PGS1: variants seen among roughly 807,000 people sequenced by gnomAD.
PGS1 encodes CDP-diacylglycerol--glycerol-3-phosphate 3-phosphatidyltransferase, mitochondrial.
PGS1 carries 44 observed loss-of-function variants against 58.3 expected under a neutral mutation model. The observed-to-expected ratio is 0.75, with a 90% CI of 0.59 to 0.97. The LOEUF (loss-of-function observed/expected upper bound fraction) is 0.97, where lower values mean the gene tolerates loss of function less well. Ranked by LOEUF, PGS1 falls within the 50% of genes least tolerant of loss-of-function variation. PGS1 has a pLI of 0.00. For synonymous variants in PGS1, 330 were observed against 311.0 expected (o/e 1.06, Z -0.64); for missense variants, 684 against 731.1 (o/e 0.94, Z 0.74).
intron 6 of PGS1, among the ~76,000 whole-genome samples, chr17:78,402,061 G>A (rs557283655): frequency 1.7e-4 from 26 of 151,508 alleles, no homozygotes; most frequent in South Asian, 1.5e-3. Context: ...AGGGCCCCCC[G>A]GTGCTCCTCC....
intron 9 of PGS1, among the ~76,000 whole-genome samples, chr17:78,422,686 G>A (rs1178440296): frequency 6.6e-6 from 1 of 152,058 alleles, no homozygotes; most frequent in African/African-American, 2.4e-5. Flanking sequence ...TTGATTGATA[G>A]AGATGGTTTT....
rs760219780 is a variant in PGS1 at position 78,400,655 on chromosome 17, C to T, written c.702-22C>T. ...CATACCCTTGCCTGAGTCCTCCTCACCTGCATCTTCCCTCCCTGTAGTGCA... is the reference window on the plus strand; with the variant it reads ...CATACCCTTGCCTGAGTCCTCCTCATCTGCATCTTCCCTCCCTGTAGTGCA... On this transcript the variant is annotated intron_variant, in intron 5 of 9. Coordinates refer to ENST00000262764, the MANE Select transcript of PGS1 (RefSeq NM_024419.5). This position sits in a 1 kb window ranked among gnomAD's most constrained non-coding sequence, Gnocchi z 4.4. The T allele has an allele frequency of 2.5e-6, 4 of 1,612,114 alleles. No individual in the cohort carries two copies. Among genetic ancestry groups the T allele is most frequent in the Middle Eastern group, 1.6e-4 (1 of 6,084 alleles).
chr17:78,389,810 T>G (rs2082686590), intron 1 of PGS1, among the ~76,000 whole-genome samples: 1 of 151,904 alleles, frequency 6.6e-6, no homozygotes, highest in Admixed American at 6.6e-5. Context: ...GAGACGGGGT[T>G]TCACCATATT....
At chr17:78,414,831 G>A (rs765678161) in intron 7 of PGS1, 48 bp from the exon 8 acceptor site, 1 of 1,603,388 alleles carries the variant, frequency 6.2e-7, no homozygotes, top group Non-Finnish European at 8.5e-7. Context: ...GAGGACTTTG[G>A]TAGATGCTGT....
intron 1 of PGS1, among the ~76,000 whole-genome samples, chr17:78,379,421 G>C (rs1198143654): frequency 6.6e-6 from 1 of 152,182 alleles, no homozygotes; most frequent in African/African-American, 2.4e-5. Flanking sequence ...CTGAAGTTAT[G>C]TAAATGATGA....
intron 5 of PGS1, 150 bp downstream of exon 5, chr17:78,399,687 C>T (rs1254628705): frequency 2.7e-6 from 2 of 728,320 alleles, no homozygotes; most frequent in African/African-American, 3.5e-5. Context: ...CTCCCCGACA[C>T]TGTCTCTGCC....
chr17:78,389,192 AT>A (rs1305263842), intron 1 of PGS1, among the ~76,000 whole-genome samples: 159 of 142,018 alleles, frequency 1.1e-3, no homozygotes, highest in African/African-American at 2.7e-3. Flanking sequence ...CGGGCGGCTA[AT>A]TTTTTTTTTT....
At position 78,400,246 on chromosome 17, in the gene PGS1, G is replaced by T. The variant is rs1260330818; in HGVS notation, c.702-431G>T. ...CTAAAAATACAAAAATTAGCTGGGT[G>T]TGGTGGCACACACCTGTAATCCCAG... On this transcript the variant is annotated intron_variant, in intron 5 of 9. Transcript: ENST00000262764. The surrounding 1 kb of genome is among the most constrained non-coding windows in gnomAD (Gnocchi z 4.4). Among the ~76,000 whole-genome samples, 4 of 152,108 alleles carry T rather than the reference G, an allele frequency of 2.6e-5. No individual in the cohort carries two copies. Among genetic ancestry groups the T allele is most frequent in the Non-Finnish European group, 5.9e-5 (4 of 68,018 alleles).
In PGS1 at chr17:78,403,808, C is replaced by G; in HGVS notation, c.1121C>G (p.Thr374Ser). 1 of 1,614,244 alleles carries G rather than the reference C, an allele frequency of 6.2e-7. No individual in the cohort carries two copies. Among genetic ancestry groups the G allele is most frequent in the Non-Finnish European group, 8.5e-7 (1 of 1,180,052 alleles). Reference protein sequence around the residue: ...IDEIVTETLLTEAERGAKVYL... With the variant: ...IDEIVTETLLSEAERGAKVYL... The stretch of plus-strand genomic sequence containing the variant: ...GAGATTGTCACTGAGACCCTGTTGA[C>G]TGAGGCGGAGCGCGGGGCAAAGGTC... The change falls in exon 7 of 10, where the codon ACT (threonine) becomes AGT (serine). Residue 374 changes from threonine to serine, a missense_variant. By Grantham distance (58) the Thr-to-Ser change is moderately conservative. Coordinates refer to ENST00000262764, the MANE Select transcript of PGS1 (RefSeq NM_024419.5).
intron 9 of PGS1, among the ~76,000 whole-genome samples, chr17:78,423,028 G>A (rs891813236): frequency 4.0e-5 from 6 of 151,858 alleles, no homozygotes; most frequent in African/African-American, 1.5e-4. Flanking sequence ...CCCAGGAGGT[G>A]GAGGTTGCAA....
chr17:78,422,437 A>ATGTT (rs2085915251), intron 9 of PGS1, among the ~76,000 whole-genome samples: 1 of 152,186 alleles, frequency 6.6e-6, no homozygotes, highest in African/African-American at 2.4e-5. Context: ...ACTTGGAAAA[A>ATGTT]TGTTTTTGCA....
At chr17:78,388,600 A>G (rs1466043727) in intron 1 of PGS1, among the ~76,000 whole-genome samples, 2 of 150,664 alleles carry the variant, frequency 1.3e-5, no homozygotes, top group Admixed American at 6.6e-5. Context: ...CCTGCCTTAG[A>G]CTCCAGAGTG....
chr17:78,417,576 C>G (rs148493137), intron 8 of PGS1, among the ~76,000 whole-genome samples: 2,141 of 152,198 alleles, frequency 0.014, 45 homozygotes, highest in African/African-American at 0.049. Flanking sequence ...TCCTGACCCC[C>G]CGGGGCAGAG....
chr17:78,408,647 G>A (rs938515289), intron 7 of PGS1, among the ~76,000 whole-genome samples: 1 of 152,188 alleles, frequency 6.6e-6, no homozygotes, highest in Non-Finnish European at 1.5e-5. Flanking sequence ...CTTGCTCCCT[G>A]TAGTTCTGTT....
chr17:78,405,576 A>T (rs2084063654), intron 7 of PGS1, among the ~76,000 whole-genome samples: 1 of 152,182 alleles, frequency 6.6e-6, no homozygotes, highest in Non-Finnish European at 1.5e-5. Flanking sequence ...CAGCTCTCTA[A>T]GACATGGGTA....
At position 78,381,476 on chromosome 17, in the gene PGS1, C is replaced by G. The variant is rs74677319; in HGVS notation, c.143+2668C>G. On this transcript the variant is annotated intron_variant, in intron 1 of 9. Transcript: ENST00000262764. ...TTCGGTTTGCAGTTCTTTTCTGATTCGTTGTGGCCTTGGTGTTCGAGTTAT... is the reference window on the plus strand; with the variant it reads ...TTCGGTTTGCAGTTCTTTTCTGATTGGTTGTGGCCTTGGTGTTCGAGTTAT... Among the ~76,000 whole-genome samples the G allele has an allele frequency of 2.6e-5, 4 of 152,088 alleles. No individual in the cohort carries two copies. The East Asian group carries it at 7.7e-4, about 29-fold the overall frequency.
chr17:78,389,586 AC>A (rs2082668886), intron 1 of PGS1, among the ~76,000 whole-genome samples: 1 of 105,168 alleles, frequency 9.5e-6, no homozygotes, highest in Non-Finnish European at 1.9e-5. Context: ...CTCCCAAAGT[AC>A]TGGAATTATA....
chr17:78,424,171 C>G lies in PGS1; in HGVS notation c.*121C>G. 6.3e-7 allele frequency: 1 copy of G among 1,598,210 alleles called. No individual in the cohort carries two copies. The highest frequency in any genetic ancestry group is 1.3e-5 in the African/African-American group (1 of 74,906). On this transcript the variant is annotated 3_prime_UTR_variant, in exon 10 of 10. Transcript: ENST00000262764. ...GCGAGCCCCTGCAGGGACAGTATGG[C>G]TGAGGGTCAGGTGTGCTGCCAGTAA...
chr17:78,423,153 CT>C (rs2086073962), intron 9 of PGS1, among the ~76,000 whole-genome samples: 1 of 151,796 alleles, frequency 6.6e-6, no homozygotes, highest in African/African-American at 2.4e-5. Flanking sequence ...TGGGATCCGT[CT>C]TTTCTGACGT....
Sources: allele counts gnomAD v4.1 joint callset (sites outside exome capture counted in the v4.1 genomes callset), GRCh38; gene constraint gnomAD v4.1.1; non-coding constraint Gnocchi (gnomAD v3.1); transcripts MANE v1.5; gene names NCBI Gene and HGNC (gene_info 2026-07-23, HGNC 2026-07-21).